Variants in CCDC91 observed in about 807,000 individuals in gnomAD.
The protein encoded by CCDC91 is coiled-coil domain containing 91.
CCDC91 carries 48 observed loss-of-function variants against 63.2 expected under a neutral mutation model. The ratio of observed to expected loss-of-function variants is 0.76; its 90% confidence interval spans 0.60 to 0.97. The LOEUF is 0.97. CCDC91 is among the 50% of genes least tolerant of loss of function. The pLI, the probability that CCDC91 is intolerant of heterozygous loss-of-function variation, is 0.00. For missense variants in CCDC91, 500 were observed against 494.6 expected (o/e 1.01, Z -0.10); for synonymous variants, 167 against 165.8 (o/e 1.01, Z -0.06).
At chr12:28,508,084 C>A (rs1286818472) in intron 12 of CCDC91, among the ~76,000 whole-genome samples, 1 of 151,870 alleles carries the variant, frequency 6.6e-6, no homozygotes, top group Non-Finnish European at 1.5e-5. Flanking sequence ...CCACTACTTC[C>A]AGCAGCTGGA....
intron 1 of CCDC91, among the ~76,000 whole-genome samples, chr12:28,203,778 T>A (rs1265388702): frequency 6.6e-6 from 1 of 152,218 alleles, no homozygotes; most frequent in Non-Finnish European, 1.5e-5. Flanking sequence ...TTAGCCATTA[T>A]GTAATTTTGT....
intron 3 of CCDC91, among the ~76,000 whole-genome samples, chr12:28,266,875 C>T (rs1592144997): frequency 6.6e-6 from 1 of 151,340 alleles, no homozygotes. Context: ...GTTAGCGCCC[C>T]CCGCCCCACC....
At chr12:28,521,960 C>G (rs2141446904) in intron 12 of CCDC91, among the ~76,000 whole-genome samples, 1 of 152,212 alleles carries the variant, frequency 6.6e-6, no homozygotes, top group Middle Eastern at 3.4e-3. Flanking sequence ...TGATGTGCTG[C>G]TGGATTCGGT....
At chr12:28,244,757 G>A (rs3847685) in intron 1 of CCDC91, among the ~76,000 whole-genome samples, 2,727 of 151,286 alleles carry the variant, frequency 0.018, 49 homozygotes, top group Non-Finnish European at 0.025. Context: ...TCACATAATG[G>A]CATCTAGGCT....
At chr12:28,494,072 T>TTTTCAAAGGGATA (rs1298943664) in intron 12 of CCDC91, among the ~76,000 whole-genome samples, 2 of 151,730 alleles carry the variant, frequency 1.3e-5, no homozygotes, top group African/African-American at 4.8e-5. Context: ...TCAGTGCTGC[T>TTTTCAAAGGGATA]TTTCAAAGGG....
chr12:28,332,893 T>G (rs545262360), intron 6 of CCDC91, among the ~76,000 whole-genome samples: 2 of 152,086 alleles, frequency 1.3e-5, no homozygotes, highest in Non-Finnish European at 2.9e-5. Context: ...TTTGCACTTA[T>G]GAACATTAGG....
chr12:28,320,704 A>G (rs1246626254), intron 6 of CCDC91, among the ~76,000 whole-genome samples: 1 of 151,964 alleles, frequency 6.6e-6, no homozygotes, highest in African/African-American at 2.4e-5. Context: ...CATATAAAAT[A>G]AAAGAGAAAA....
At chr12:28,367,804 A>T (rs1281098441) in intron 7 of CCDC91, among the ~76,000 whole-genome samples, 1 of 152,044 alleles carries the variant, frequency 6.6e-6, no homozygotes, top group Non-Finnish European at 1.5e-5. Context: ...TTCAGATAAG[A>T]TTAACATTTA....
chr12:28,413,516 A>G (rs911201574), intron 8 of CCDC91, among the ~76,000 whole-genome samples: 3 of 152,122 alleles, frequency 2.0e-5, no homozygotes, highest in Non-Finnish European at 4.4e-5. Flanking sequence ...GTTGTTTTTA[A>G]TAGTTTTACT....
At chr12:28,335,138 TTA>T (rs1430482455) in intron 6 of CCDC91, among the ~76,000 whole-genome samples, 4 of 142,516 alleles carry the variant, frequency 2.8e-5, no homozygotes, top group African/African-American at 5.1e-5. Flanking sequence ...TATATTTATA[TTA>T]TATATATTTA....
intron 7 of CCDC91, among the ~76,000 whole-genome samples, chr12:28,374,273 C>G (rs1481465203): frequency 6.6e-6 from 1 of 152,112 alleles, no homozygotes; most frequent in Non-Finnish European, 1.5e-5. Flanking sequence ...ATGACATTCT[C>G]TTTATTCTCA....
chr12:28,369,535 A>G (rs1944480180), intron 7 of CCDC91, among the ~76,000 whole-genome samples: 1 of 152,170 alleles, frequency 6.6e-6, no homozygotes, highest in Non-Finnish European at 1.5e-5. Flanking sequence ...AAACTCTCAG[A>G]GGATATACCA....
intron 1 of CCDC91, among the ~76,000 whole-genome samples, chr12:28,192,626 T>C (rs1480066511): frequency 6.6e-6 from 1 of 152,216 alleles, no homozygotes; most frequent in Non-Finnish European, 1.5e-5. Context: ...AATTAATATT[T>C]TAGATTTCCA....
Position 28,409,580 on chromosome 12 carries a change from C to T in CCDC91, c.762+18169C>T, listed in dbSNP as rs531722501. Among the ~76,000 whole-genome samples, 11 of 152,018 alleles carry T rather than the reference C, an allele frequency of 7.2e-5. No homozygotes were observed. The South Asian group carries it at 2.1e-3, about 29-fold the overall frequency. On this transcript the variant is annotated intron_variant, in intron 8 of 12. Transcript: ENST00000536442. ...TCTGAAACCTTTATTATTTAATTTA[C>T]GTAACTTAATTGGCTTTCAATTTGC...
At chr12:28,520,802 T>C (rs1246963646) in intron 12 of CCDC91, among the ~76,000 whole-genome samples, 1 of 152,218 alleles carries the variant, frequency 6.6e-6, no homozygotes, top group Non-Finnish European at 1.5e-5. Context: ...CTAGCCAGTT[T>C]TCCCAGCACC....
At chr12:28,370,564 T>C (rs756227115) in intron 7 of CCDC91, among the ~76,000 whole-genome samples, 9 of 152,208 alleles carry the variant, frequency 5.9e-5, no homozygotes, top group Non-Finnish European at 1.3e-4. Context: ...TCCAACATGT[T>C]TCAACCTTCA....
At chr12:28,406,291 A>T (rs1346702040) in intron 8 of CCDC91, among the ~76,000 whole-genome samples, 1 of 151,728 alleles carries the variant, frequency 6.6e-6, no homozygotes, top group Non-Finnish European at 1.5e-5. Context: ...AAAAAAAAAA[A>T]AATCCCTCAA....
chr12:28,382,026 A>G (rs2139094527), intron 7 of CCDC91, among the ~76,000 whole-genome samples: 1 of 152,198 alleles, frequency 6.6e-6, no homozygotes, highest in East Asian at 1.9e-4. Flanking sequence ...GTCAGGTACC[A>G]ATGGTAACTT....
chr12:28,462,715 T>C (rs1566012626), intron 11 of CCDC91, among the ~76,000 whole-genome samples: 1 of 152,162 alleles, frequency 6.6e-6, no homozygotes, highest in Non-Finnish European at 1.5e-5. Flanking sequence ...AAATATAGTC[T>C]GTGGTTTCAA....
Sources: gnomAD v4.1 joint callset for allele counts (sites outside exome capture counted in the v4.1 genomes callset) on GRCh38, gnomAD v4.1.1 for gene constraint, MANE v1.5 for transcripts, NCBI Gene and HGNC (gene_info 2026-07-23, HGNC 2026-07-21) for gene names.